AAAS: variants seen among roughly 807,000 people sequenced by gnomAD.
The protein encoded by AAAS is aladin.
A neutral mutation model predicts 75.6 loss-of-function variants in AAAS; 60 were observed. The observed-to-expected ratio is 0.79, with a 90% CI of 0.64 to 0.98. The LOEUF (loss-of-function observed/expected upper bound fraction) is 0.98. Among genes scored for constraint, AAAS ranks in the 50% least tolerant of loss-of-function variants. AAAS has a pLI of 0.00. For missense variants in AAAS, 658 were observed against 686.9 expected (o/e 0.96, Z 0.47); for synonymous variants, 271 against 265.0 (o/e 1.02, Z -0.22).
Position 53,320,664 on chromosome 12 carries a change from G to A in AAAS, c.152C>T (p.Thr51Ile). 2 of 1,614,138 alleles carry A rather than the reference G, an allele frequency of 1.2e-6. No individual in the cohort carries two copies. The highest frequency in any genetic ancestry group is 1.7e-6 in the Non-Finnish European group (2 of 1,180,016). Residue 51 changes from threonine (T) to isoleucine (I), a missense_variant, in exon 2 of 16, where the codon ACA becomes ATA. Transcript: ENST00000209873. ...QWINLPVLQL[T>I]KDPLKTPGRL... ...TCCAGGGGTCTTTAGGGGATCCTTT[G>A]TCAGTTGTAGGACAGGAAGATTGAT...
chr12:53,310,558 CAAAA>C, intron 7 of AAAS, among the ~76,000 whole-genome samples: 1 of 76,420 alleles, frequency 1.3e-5, no homozygotes, highest in Non-Finnish European at 2.7e-5. Context: ...GACTCCGTCT[CAAAA>C]AAAAAAAAAA....
In AAAS at chr12:53,314,297, C is replaced by A; in HGVS notation, c.689+1G>T. 1.2e-6 allele frequency: 2 copies of A among 1,614,130 alleles called. No homozygotes were observed. The highest frequency in any genetic ancestry group is 1.7e-6 in the Non-Finnish European group (2 of 1,180,022). On this transcript the variant is annotated splice_donor_variant, in intron 7 of 15. Transcript: ENST00000209873. LOFTEE classifies it high-confidence loss of function. ...AGGTAAGGCAGGCTACTAGGACTTA[C>A]CGGGTAGACAAGGAGGTAGGGTCCA...
At chr12:53,307,736 G>T (rs1944311766) in intron 15 of AAAS, 23 bp from the exon 16 acceptor site, 1 of 1,613,922 alleles carries the variant, frequency 6.2e-7, no homozygotes, top group African/African-American at 1.3e-5. Context: ...GAAAGAAAAG[G>T]ATCAGAGTCT....
At chr12:53,312,773 G>A (rs200339599) in intron 7 of AAAS, among the ~76,000 whole-genome samples, 26 of 145,768 alleles carry the variant, frequency 1.8e-4, no homozygotes, top group African/African-American at 5.3e-4. Flanking sequence ...GTATATACAC[G>A]TATACATACA....
chr12:53,316,764 CA>C (rs34520642), intron 2 of AAAS, among the ~76,000 whole-genome samples: 21,765 of 76,650 alleles, frequency 0.28, 1,305 homozygotes, highest in Middle Eastern at 0.34. Flanking sequence ...CCATCTCAGA[CA>C]AAAAAAAAAA....
chr12:53,321,600 T>C lies in AAAS; in HGVS notation c.-135A>G, dbSNP rs1258240544. The stretch of plus-strand genomic sequence containing the variant: ...CAAGGGACAAACGGCGAGGCGGAAC[T>C]CAACGGAAGTGAAGAAAAGACTAAC... On this transcript the variant is annotated 5_prime_UTR_variant, in exon 1 of 16. Transcript: ENST00000209873. The C allele has an allele frequency of 1.4e-6, 2 of 1,470,932 alleles. No individual in the cohort carries two copies. Among genetic ancestry groups the C allele is most frequent in the Non-Finnish European group, 1.9e-6 (2 of 1,066,178 alleles). 91.1% of individuals were successfully genotyped at this position (1,470,932 alleles called of 1,614,324 possible).
At chr12:53,308,704 T>C in intron 11 of AAAS, 21 bp downstream of exon 11, 3 of 1,613,736 alleles carry the variant, frequency 1.9e-6, no homozygotes, top group Non-Finnish European at 2.5e-6. Flanking sequence ...CCCCAAATAC[T>C]GAAGTGTTGC....
Position 53,307,508 on chromosome 12 carries a change from G to C in AAAS, c.1622C>G (p.Ser541Cys). Residue 541 changes from serine (S) to cysteine (C), a missense_variant, in exon 16 of 16, where the codon TCC (serine) becomes TGC (cysteine). Coordinates refer to ENST00000209873, the MANE Select transcript of AAAS (RefSeq NM_015665.6). ...LPGPPPVLPH[S>C]PHSHL The stretch of plus-strand genomic sequence containing the variant: ...TTATTCTTAGAGGTGGGAATGTGGG[G>C]AGTGGGGCAGAACAGGTGGTGGCCC... 1 of 1,613,802 alleles carries C rather than the reference G, an allele frequency of 6.2e-7. No homozygotes were observed. The highest frequency in any genetic ancestry group is 1.3e-5 in the African/African-American group (1 of 75,056).
At chr12:53,314,707 G>C in intron 6 of AAAS, 44 bp downstream of exon 6, 1 of 1,580,342 alleles carries the variant, frequency 6.3e-7, no homozygotes, top group Non-Finnish European at 8.7e-7. Flanking sequence ...GCAAGGGAAG[G>C]TGATATTGAC....
At chr12:53,315,282 A>G (rs766407307) in intron 4 of AAAS, 53 bp downstream of exon 4, 6 of 1,604,506 alleles carry the variant, frequency 3.7e-6, no homozygotes, top group African/African-American at 2.7e-5. Context: ...ATGAGGGCAG[A>G]GTAGGATGGG....
chr12:53,314,133 TTAGAG>T (rs1405564627), intron 7 of AAAS, among the ~76,000 whole-genome samples, 160 bp downstream of exon 7: 1 of 152,072 alleles, frequency 6.6e-6, no homozygotes, highest in African/African-American at 2.4e-5. Context: ...TTTCTCCAGA[TTAGAG>T]TATTCTCAGC....
At chr12:53,308,846 G>A (rs1944338667) in intron 10 of AAAS, 31 bp from the exon 11 acceptor site, 1 of 1,613,624 alleles carries the variant, frequency 6.2e-7, no homozygotes, top group East Asian at 2.2e-5. Flanking sequence ...GCAGGAGAAG[G>A]TATGTCTATA....
chr12:53,316,274 A>C (rs1780707252), intron 2 of AAAS, among the ~76,000 whole-genome samples: 1 of 151,058 alleles, frequency 6.6e-6, no homozygotes. Flanking sequence ...ACATGGTAAA[A>C]CCCCGTCTCT....
chr12:53,320,453 T>G, intron 2 of AAAS, 112 bp downstream of exon 2: 2 of 1,459,834 alleles, frequency 1.4e-6, no homozygotes, highest in Non-Finnish European at 1.9e-6. Flanking sequence ...ACAGCTCTCG[T>G]GGAGACAGCC....
At chr12:53,310,301 T>TGTA (rs1429759935) in intron 7 of AAAS, among the ~76,000 whole-genome samples, 1 of 152,192 alleles carries the variant, frequency 6.6e-6, no homozygotes, top group East Asian at 1.9e-4. Flanking sequence ...GGCTCACGCC[T>TGTA]GTAATCCCAG....
chr12:53,321,169 A>G, intron 1 of AAAS, 174 bp downstream of exon 1: 1 of 978,154 alleles, frequency 1.0e-6, no homozygotes, highest in Non-Finnish European at 1.5e-6. Context: ...CCCCCGTTAT[A>G]CTCCAATCCC....
chr12:53,311,691 G>C (rs10783566), intron 7 of AAAS, among the ~76,000 whole-genome samples: 135,212 of 152,162 alleles, frequency 0.89, 61,711 homozygotes, highest in Non-Finnish European at 0.98. Context: ...GAGGCAGGCG[G>C]ATCACCTGAG....
intron 11 of AAAS, 26 bp from the exon 12 acceptor site, chr12:53,308,554 T>C: frequency 6.2e-7 from 1 of 1,613,434 alleles, no homozygotes; most frequent in Non-Finnish European, 8.5e-7. Context: ...AGCAGAGAGG[T>C]TCTTGCAAGA....
At chr12:53,315,811 T>G in intron 2 of AAAS, 29 bp from the exon 3 acceptor site, 1 of 1,610,824 alleles carries the variant, frequency 6.2e-7, no homozygotes, top group Non-Finnish European at 8.5e-7. Context: ...GTGGGTCAGC[T>G]TACTCTGATC....
Sources: gnomAD v4.1 joint callset for allele counts (sites outside exome capture counted in the v4.1 genomes callset) on GRCh38, gnomAD v4.1.1 for gene constraint, MANE v1.5 for transcripts, NCBI Gene and HGNC (gene_info 2026-07-23, HGNC 2026-07-21) for gene names.